TMEM144: variants seen among roughly 807,000 people sequenced by gnomAD.
The protein encoded by TMEM144 is transmembrane protein 144.
In TMEM144, 39 loss-of-function variants were observed where a neutral mutation model predicts 43.6. The ratio of observed to expected loss-of-function variants is 0.90; its 90% confidence interval spans 0.69 to 1.17. The LOEUF (loss-of-function observed/expected upper bound fraction) is 1.17. Ranked by LOEUF, TMEM144 falls within the 50% of genes most tolerant of loss-of-function variation. The pLI is 0.00. For synonymous variants in TMEM144, 154 were observed against 133.6 expected, an observed-to-expected ratio of 1.15 and a Z score of -1.06; for missense variants, 417 against 411.9, an observed-to-expected ratio of 1.01 and a Z score of -0.11.
chr4:158,235,267 G>A, intron 7 of TMEM144, 171 bp from the exon 8 acceptor site: 2 of 594,736 alleles, frequency 3.4e-6, no homozygotes, highest in Admixed American at 3.4e-5. Context: ...AAATGAAAGA[G>A]GAAACAATTA....
At chr4:158,235,586 C>A in intron 8 of TMEM144, 81 bp downstream of exon 8, 1 of 1,370,346 alleles carries the variant, frequency 7.3e-7, no homozygotes, top group South Asian at 1.6e-5. Context: ...AAGTAATGTT[C>A]ATCTGAGTTC....
intron 9 of TMEM144, among the ~76,000 whole-genome samples, chr4:158,240,075 C>T (rs1735550538): frequency 6.6e-6 from 1 of 151,962 alleles, no homozygotes; most frequent in South Asian, 2.1e-4. Flanking sequence ...TTAGTAAAGG[C>T]AGGGTTTCAC....
chr4:158,226,982 GAAGT>G (rs1415504308), intron 6 of TMEM144, among the ~76,000 whole-genome samples: 1 of 152,060 alleles, frequency 6.6e-6, no homozygotes, highest in African/African-American at 2.4e-5. Context: ...CACAAGAATA[GAAGT>G]TAGTATAATA....
chr4:158,218,057 C>T (rs774155184), intron 5 of TMEM144, among the ~76,000 whole-genome samples: 2 of 152,162 alleles, frequency 1.3e-5, no homozygotes, highest in African/African-American at 2.4e-5. Flanking sequence ...TCTACAACCG[C>T]CTTCGAGAAA....
chr4:158,214,551 C>CA (rs1734122909), intron 3 of TMEM144, among the ~76,000 whole-genome samples: 1 of 152,210 alleles, frequency 6.6e-6, no homozygotes. Context: ...TACACCTCAT[C>CA]ACCAGGTTAT....
At chr4:158,228,102 C>T (rs928691469) in intron 6 of TMEM144, among the ~76,000 whole-genome samples, 17 of 152,226 alleles carry the variant, frequency 1.1e-4, no homozygotes, top group Admixed American at 2.0e-4. Context: ...CAGGTCAAAA[C>T]CAAAACCAAA....
intron 6 of TMEM144, among the ~76,000 whole-genome samples, 157 bp from the exon 7 acceptor site, chr4:158,232,744 T>A (rs1387408283): frequency 2.0e-5 from 3 of 152,244 alleles, no homozygotes; most frequent in African/African-American, 7.2e-5. Flanking sequence ...ATAGGAGTTC[T>A]GGCAAAACGG....
At chr4:158,251,401 A>G (rs1330458073) in intron 12 of TMEM144, among the ~76,000 whole-genome samples, 2 of 152,192 alleles carry the variant, frequency 1.3e-5, no homozygotes, top group Non-Finnish European at 2.9e-5. Flanking sequence ...AGCCTTAAGG[A>G]TAAGGGATAG....
At chr4:158,223,567 A>T (rs147981878) in intron 6 of TMEM144, among the ~76,000 whole-genome samples, 2 of 152,016 alleles carry the variant, frequency 1.3e-5, no homozygotes, top group Non-Finnish European at 2.9e-5. Flanking sequence ...CCCCTTGCCC[A>T]CCACCCTCCA....
At chr4:158,228,555 C>G (rs1341697905) in intron 6 of TMEM144, among the ~76,000 whole-genome samples, 1 of 152,202 alleles carries the variant, frequency 6.6e-6, no homozygotes, top group African/African-American at 2.4e-5. Context: ...CGATCCTCCA[C>G]AGGGGCCTGC....
At chr4:158,220,514 C>T (rs569570636) in intron 6 of TMEM144, among the ~76,000 whole-genome samples, 8 of 152,294 alleles carry the variant, frequency 5.3e-5, no homozygotes, top group African/African-American at 1.9e-4. Context: ...AATTGCAAAT[C>T]AATTATTCAT....
chr4:158,247,802 A>G (rs1285890872), intron 12 of TMEM144, among the ~76,000 whole-genome samples: 2 of 152,054 alleles, frequency 1.3e-5, no homozygotes, highest in Admixed American at 1.3e-4. Flanking sequence ...TCTCGCTGTT[A>G]TAATTAGGTA....
chr4:158,242,007 CAGAG>C (rs947347914), intron 11 of TMEM144, among the ~76,000 whole-genome samples: 1 of 152,142 alleles, frequency 6.6e-6, no homozygotes, highest in South Asian at 2.1e-4. Flanking sequence ...TTATAGTAGA[CAGAG>C]AGTTGGTTTT....
intron 12 of TMEM144, 40 bp from the exon 13 acceptor site, chr4:158,253,404 C>A: frequency 6.6e-7 from 1 of 1,507,244 alleles, no homozygotes; most frequent in Non-Finnish European, 9.2e-7. Flanking sequence ...GTAATTGATT[C>A]AGGCCTTATT....
At chr4:158,249,483 C>T (rs938425832) in intron 12 of TMEM144, among the ~76,000 whole-genome samples, 2 of 152,148 alleles carry the variant, frequency 1.3e-5, no homozygotes, top group African/African-American at 2.4e-5. Context: ...AGTTAACATC[C>T]ACCTTTGATG....
At chr4:158,219,645 A>G (rs1470973703) in intron 6 of TMEM144, among the ~76,000 whole-genome samples, 2 of 152,222 alleles carry the variant, frequency 1.3e-5, no homozygotes, top group African/African-American at 4.8e-5. Flanking sequence ...GCTTAGTTTT[A>G]TCATCTATAA....
intron 6 of TMEM144, among the ~76,000 whole-genome samples, chr4:158,226,127 G>A (rs1344323950): frequency 6.6e-6 from 1 of 152,208 alleles, no homozygotes; most frequent in African/African-American, 2.4e-5. Flanking sequence ...TTGGTATCCT[G>A]TCTTAATTGC....
chr4:158,245,502 T>A (rs1375816430), intron 12 of TMEM144, among the ~76,000 whole-genome samples: 1 of 152,024 alleles, frequency 6.6e-6, no homozygotes, highest in Admixed American at 6.6e-5. Flanking sequence ...GTGTGTATAG[T>A]CCTTATCTGA....
Position 158,254,131 on chromosome 4 carries a change from T to G in TMEM144, c.*604T>G, listed in dbSNP as rs1736355403. 1 of 152,310 alleles carries G rather than the reference T, an allele frequency of 6.6e-6. No homozygotes were observed. Among genetic ancestry groups the G allele is most frequent in the Non-Finnish European group, 1.5e-5 (1 of 68,100 alleles). The allele number at this position is 152,310 out of a possible 1,614,324, so 9.4% of individuals were successfully genotyped here. ...ATCTACCCATTTTAGCTCATAATGCTTTTGATTATCGCCAGATAAAGTCCA... is the reference window on the plus strand; with the variant it reads ...ATCTACCCATTTTAGCTCATAATGCGTTTGATTATCGCCAGATAAAGTCCA... On this transcript the variant is annotated 3_prime_UTR_variant, in exon 13 of 13. Coordinates refer to ENST00000296529, the MANE Select transcript of TMEM144 (RefSeq NM_018342.5).
Sources: gnomAD v4.1 joint callset for allele counts (sites outside exome capture counted in the v4.1 genomes callset) on GRCh38, gnomAD v4.1.1 for gene constraint, MANE v1.5 for transcripts, NCBI Gene and HGNC (gene_info 2026-07-23, HGNC 2026-07-21) for gene names.